Variants in PARD3 observed in about 807,000 individuals in gnomAD.
PARD3 encodes partitioning defective 3 homolog.
PARD3 carries 75 observed loss-of-function variants against 155.4 expected under a neutral mutation model. That is an observed-to-expected ratio of 0.48 (90% CI 0.40 to 0.58). The LOEUF is 0.58. PARD3 is among the 20% of genes least tolerant of loss of function. PARD3 has a pLI of 0.00. For missense variants in PARD3, 1,642 were observed against 1,721.7 expected (o/e 0.95, Z 0.82); for synonymous variants, 576 against 610.5 (o/e 0.94, Z 0.83).
intron 2 of PARD3, 73 bp downstream of exon 2, chr10:34,696,245 G>T: frequency 1.3e-6 from 1 of 789,470 alleles, no homozygotes; most frequent in South Asian, 1.6e-5. Context: ...GAAAGGAAAA[G>T]AATCGCACCC....
chr10:34,731,892 G>A (rs535836847), intron 1 of PARD3, among the ~76,000 whole-genome samples: 2 of 152,254 alleles, frequency 1.3e-5, no homozygotes, highest in Admixed American at 1.3e-4. Flanking sequence ...CAAGTATAAT[G>A]AGAAATAATC....
intron 2 of PARD3, chr10:34,664,116 C>G (rs1401431633): frequency 1.3e-5 from 2 of 152,252 alleles, no homozygotes; most frequent in African/African-American, 4.8e-5. Flanking sequence ...CTTCTGCCGC[C>G]GAGACCAAAG....
In PARD3 at chr10:34,356,577, T is replaced by C. The variant is rs559690562; in HGVS notation, c.2067+2570A>G. Among the ~76,000 whole-genome samples the C allele has an allele frequency of 4.6e-5, 7 of 152,332 alleles. No homozygotes were observed. The East Asian group carries it at 1.3e-3, about 29-fold the overall frequency. ...GCAAAGACTGGACTATACAGCTGAT[T>C]AAAAGACCTAGAAAGAAAACTCAGC... On this transcript the variant is annotated intron_variant, in intron 14 of 24. Transcript: ENST00000374788.
In PARD3 at chr10:34,309,241, G is replaced by A. The variant is rs182178265; in HGVS notation, c.3065+7866C>T. ...AAGATGGAGGAGGTAACAGCATGGT[G>A]CAAAACAATGTGAATGATCCTGTAG... On this transcript the variant is annotated intron_variant, in intron 20 of 24. Transcript: ENST00000374788. Among the ~76,000 whole-genome samples, 1,418 of 152,212 alleles carry A rather than the reference G, an allele frequency of 9.3e-3. 8 individuals are homozygous for A. Among genetic ancestry groups the A allele is most frequent in the Non-Finnish European group, 0.013 (913 of 67,996 alleles).
intron 3 of PARD3, among the ~76,000 whole-genome samples, chr10:34,493,355 T>C (rs2080044617): frequency 6.6e-6 from 1 of 152,236 alleles, no homozygotes; most frequent in Non-Finnish European, 1.5e-5. Context: ...GGATCTCTAC[T>C]CCTGGCTCCT....
chr10:34,656,716 T>C lies in PARD3; in HGVS notation c.222+39602A>G, dbSNP rs1014428147. On this transcript the variant is annotated intron_variant, in intron 2 of 24. Transcript: ENST00000374788. ...GAACTTCCTTGGATAGTCTTTTCCA[T>C]TAATTATGTACATGCTGGGAACTGA... Among the ~76,000 whole-genome samples, 7 of 152,206 alleles carry C rather than the reference T, an allele frequency of 4.6e-5. No individual in the cohort carries two copies. In the South Asian group the frequency reaches 8.3e-4, roughly 18 times the overall value.
intron 4 of PARD3, among the ~76,000 whole-genome samples, chr10:34,451,825 T>C (rs2077077554): frequency 6.7e-6 from 1 of 149,148 alleles, no homozygotes; most frequent in Non-Finnish European, 1.5e-5. Context: ...GGACAAAAAC[T>C]AACTAAGGAA....
At chr10:34,770,178 C>T (rs927628710) in intron 1 of PARD3, among the ~76,000 whole-genome samples, 7 of 152,198 alleles carry the variant, frequency 4.6e-5, no homozygotes, top group Admixed American at 2.6e-4. Context: ...ACCCTTCATG[C>T]TGTTTCAGTC....
intron 3 of PARD3, among the ~76,000 whole-genome samples, chr10:34,508,805 A>G (rs973483287): frequency 2.6e-5 from 4 of 152,084 alleles, no homozygotes; most frequent in Non-Finnish European, 4.4e-5. Flanking sequence ...TAACGTCTCA[A>G]CCTCTTTACA....
intron 22 of PARD3, among the ~76,000 whole-genome samples, chr10:34,258,610 TG>T (rs1206548791): frequency 2.0e-5 from 3 of 152,122 alleles, no homozygotes; most frequent in South Asian, 4.1e-4. Context: ...AAGAGAGAAC[TG>T]GGCTAGTGAG....
chr10:34,450,219 T>C (rs2132786709), intron 5 of PARD3, 98 bp downstream of exon 5: 3 of 1,159,120 alleles, frequency 2.6e-6, no homozygotes, highest in South Asian at 1.6e-5. Context: ...AATAATTAAC[T>C]TTTAATCATC....
At chr10:34,743,171 A>G (rs893940471) in intron 1 of PARD3, among the ~76,000 whole-genome samples, 4 of 152,188 alleles carry the variant, frequency 2.6e-5, no homozygotes, top group African/African-American at 9.7e-5. Context: ...AGGTTCCATG[A>G]AAATGTGTCC....
intron 1 of PARD3, among the ~76,000 whole-genome samples, chr10:34,801,310 G>C (rs907851386): frequency 1.7e-4 from 26 of 152,194 alleles, no homozygotes; most frequent in African/African-American, 6.0e-4. Flanking sequence ...TGTGCCATTA[G>C]ATAAGCTTTA....
intron 5 of PARD3, among the ~76,000 whole-genome samples, chr10:34,448,395 A>G (rs2076874404): frequency 6.6e-6 from 1 of 152,150 alleles, no homozygotes; most frequent in Non-Finnish European, 1.5e-5. Flanking sequence ...TGGGTGTGGA[A>G]AAAGGAAAAA....
At chr10:34,543,200 G>A (rs1267521323) in intron 2 of PARD3, among the ~76,000 whole-genome samples, 1 of 152,000 alleles carries the variant, frequency 6.6e-6, no homozygotes, top group Non-Finnish European at 1.5e-5. Flanking sequence ...GAGCCTAGAA[G>A]GTTGAGGCTA....
intron 1 of PARD3, among the ~76,000 whole-genome samples, chr10:34,751,555 G>C (rs1228006020): frequency 6.6e-6 from 1 of 152,116 alleles, no homozygotes; most frequent in Non-Finnish European, 1.5e-5. Flanking sequence ...CTGGGTCTGG[G>C]GGTAGTGCAG....
chr10:34,273,382 C>A (rs181383543), intron 21 of PARD3, among the ~76,000 whole-genome samples: 15 of 152,206 alleles, frequency 9.9e-5, no homozygotes, highest in African/African-American at 2.2e-4. Context: ...GTGAAAAAAA[C>A]CCCAGTCAAT....
chr10:34,318,109 T>C (rs1958127424), intron 19 of PARD3, among the ~76,000 whole-genome samples: 2 of 152,190 alleles, frequency 1.3e-5, no homozygotes, highest in African/African-American at 2.4e-5. Flanking sequence ...CAATATTCCA[T>C]TCCTTGAACC....
At chr10:34,369,404 T>A (rs1490351313) in intron 12 of PARD3, among the ~76,000 whole-genome samples, 1 of 152,080 alleles carries the variant, frequency 6.6e-6, no homozygotes, top group African/African-American at 2.4e-5. Context: ...CCAAGACAAT[T>A]CTTCTTCCAG....
Sources: allele counts gnomAD v4.1 joint callset (sites outside exome capture counted in the v4.1 genomes callset), GRCh38; gene constraint gnomAD v4.1.1; transcripts MANE v1.5; gene names NCBI Gene and HGNC (gene_info 2026-07-23, HGNC 2026-07-21).